Variants in ZNF585B observed in about 807,000 individuals in gnomAD.
ZNF585B encodes the protein zinc finger protein 585B.
In ZNF585B, 7 loss-of-function variants were observed where a neutral mutation model predicts 14.0. The observed-to-expected ratio is 0.50, with a 90% confidence interval of 0.28 to 0.94. The LOEUF (loss-of-function observed/expected upper bound fraction) is 0.94. Among genes scored for constraint, ZNF585B ranks in the 40% least tolerant of loss-of-function variants. The pLI, the probability that ZNF585B is intolerant of heterozygous loss-of-function variation, is 0.09. For missense variants in ZNF585B, 750 were observed against 924.4 expected, an observed-to-expected ratio of 0.81 and a Z score of 2.45; for synonymous variants, 290 against 317.3, an observed-to-expected ratio of 0.91 and a Z score of 0.91.
Position 37,185,626 on chromosome 19 carries a change from G to A in ZNF585B, c.1911C>T (p.Ala637=), listed in dbSNP as rs8111369. 569,828 of 1,613,242 alleles carry A rather than the reference G, an allele frequency of 0.35. 103,350 individuals are homozygous for A. The highest frequency in any genetic ancestry group is 0.37 in the Non-Finnish European group (437,420 of 1,179,820). Reference sequence around the variant, plus strand: ...TGCCACTAAAGGCTTTCCCACACTCGGCACACACATAGGGTTTCTCTCCTG... The same window carrying A: ...TGCCACTAAAGGCTTTCCCACACTCAGCACACACATAGGGTTTCTCTCCTG... ...VHTGEKPYVC[A]ECGKAFSGRS... The change falls in exon 5 of 5, where the codon GCC becomes GCT. Residue 637 remains alanine, a synonymous_variant. Coordinates refer to ENST00000532828, the MANE Select transcript of ZNF585B (RefSeq NM_152279.4).
chr19:37,186,315 T>C lies in ZNF585B; in HGVS notation c.1222A>G (p.Lys408Glu). The change falls in exon 5 of 5, where the codon AAA becomes GAA. Residue 408 changes from lysine (K) to glutamate (E), a missense_variant. Physicochemically the swap from Lys to Glu is moderately conservative, Grantham distance 56. Around this residue, in one of 2 missense-constraint regions of ZNF585B, gnomAD observed 517 missense variants for 570.3 expected, o/e 0.91. Transcript: ENST00000532828. ...CCACATTTCATGCATATATACGATT[T>C]TTCTCCTGTATGAATTCTCTGATGC... is the stretch of plus-strand genomic sequence containing the variant. The part of the protein sequence containing the change: ...TVHQRIHTGE[K>E]SYICMKCGLA... The C allele has an allele frequency of 6.2e-7, 1 of 1,614,086 alleles. No individual in the cohort carries two copies. The highest frequency in any genetic ancestry group is 1.1e-5 in the South Asian group (1 of 91,084).
intron 2 of ZNF585B, among the ~76,000 whole-genome samples, chr19:37,200,162 G>T (rs1449389210): frequency 1.3e-5 from 2 of 151,924 alleles, no homozygotes; most frequent in Non-Finnish European, 2.9e-5. Flanking sequence ...GTAAATTTTT[G>T]AAAAATAAAT....
chr19:37,190,913 T>G (rs1378331651), intron 2 of ZNF585B, among the ~76,000 whole-genome samples: 1 of 152,154 alleles, frequency 6.6e-6, no homozygotes, highest in Non-Finnish European at 1.5e-5. Context: ...TAATAGCTTA[T>G]TACGAAAAAT....
intron 4 of ZNF585B, among the ~76,000 whole-genome samples, chr19:37,187,886 G>A (rs181139243): frequency 9.9e-5 from 15 of 152,182 alleles, no homozygotes; most frequent in African/African-American, 3.6e-4. Flanking sequence ...TAACACCATG[G>A]ATAGACATGG....
chr19:37,184,468 GAAAGAA>G lies in ZNF585B; in HGVS notation c.*753_*758del, dbSNP rs1972304689. 8.9e-6 allele frequency: 1 copy of G among 112,824 alleles called. No homozygotes were observed. The highest frequency in any genetic ancestry group is 3.6e-5 in the African/African-American group (1 of 27,578). The allele number at this position is 112,824 out of a possible 1,614,324, so 7.0% of individuals were successfully genotyped here. ...GGAAAGAAAGAAAGAAAGAAAGAAA[GAAAGAA>G]AGAAAGAAAGAAAGAAAGAAAGAAA... On this transcript the variant is annotated 3_prime_UTR_variant, in exon 5 of 5. Transcript: ENST00000532828.
At chr19:37,203,368 T>C (rs12977133) in intron 2 of ZNF585B, among the ~76,000 whole-genome samples, 1 of 150,404 alleles carries the variant, frequency 6.6e-6, no homozygotes, top group Non-Finnish European at 1.5e-5. Context: ...TAATTCCAGC[T>C]AGGAGGGAGG....
At chr19:37,202,981 T>C (rs1299425458) in intron 2 of ZNF585B, among the ~76,000 whole-genome samples, 1 of 152,194 alleles carries the variant, frequency 6.6e-6, no homozygotes, top group African/African-American at 2.4e-5. Flanking sequence ...CTCGTGATTG[T>C]TTGAATCTTA....
chr19:37,190,328 C>T (rs1435902948), intron 2 of ZNF585B, 178 bp from the exon 3 acceptor site: 1 of 748,708 alleles, frequency 1.3e-6, no homozygotes, highest in Non-Finnish European at 2.0e-6. Flanking sequence ...TTACTGCAAC[C>T]TCCACCTCCC....
At position 37,186,950 on chromosome 19, in the gene ZNF585B, A is replaced by G; in HGVS notation, c.587T>C (p.Phe196Ser). ...ATGCCTGAAAAGAGACGATACTTGA[A>G]AAAAGGATTTTCCACATTCATTGCA... ...YKCNECGKSF[F>S]QVSSLFRHHR... Residue 196 changes from phenylalanine (F) to serine (S), a missense_variant, in exon 5 of 5, where the codon TTT (phenylalanine) becomes TCT (serine). Coordinates refer to ENST00000532828, the MANE Select transcript of ZNF585B (RefSeq NM_152279.4). 2 of 1,614,154 alleles carry G rather than the reference A, an allele frequency of 1.2e-6. No homozygotes were observed. Among genetic ancestry groups the G allele is most frequent in the Non-Finnish European group, 1.7e-6 (2 of 1,180,020 alleles).
chr19:37,209,757 C>T (rs1259063568), intron 1 of ZNF585B, among the ~76,000 whole-genome samples: 5 of 146,154 alleles, frequency 3.4e-5, no homozygotes, highest in African/African-American at 1.3e-4. Flanking sequence ...GCTCTGTGGC[C>T]CAGGCTGGAG....
At chr19:37,198,991 G>C (rs1242018920) in intron 2 of ZNF585B, 4 of 1,529,944 alleles carry the variant, frequency 2.6e-6, no homozygotes, top group Non-Finnish European at 2.6e-6. Context: ...TGTCTCTTGT[G>C]ATGCATATTG....
At position 37,186,224 on chromosome 19, in the gene ZNF585B, T is replaced by A. The variant is rs1365246758; in HGVS notation, c.1313A>T (p.Tyr438Phe). ...HQIIHTGEKP[Y>F]KCGHCGKLFT... ...CAATTTCCCACAGTGACCACATTTATAAGGTTTCTCTCCAGTATGAATTAT... is the reference window on the plus strand; with the variant it reads ...CAATTTCCCACAGTGACCACATTTAAAAGGTTTCTCTCCAGTATGAATTAT... Residue 438 changes from tyrosine to phenylalanine, a missense_variant, in exon 5 of 5, where the codon TAT (tyrosine) becomes TTT (phenylalanine). Tyr to Phe is a conservative substitution (Grantham distance 22, BLOSUM62 3). Transcript: ENST00000532828. The A allele has an allele frequency of 6.2e-7, 1 of 1,614,082 alleles. No individual in the cohort carries two copies. Among genetic ancestry groups the A allele is most frequent in the Non-Finnish European group, 8.5e-7 (1 of 1,180,032 alleles).
intron 2 of ZNF585B, among the ~76,000 whole-genome samples, chr19:37,193,486 A>G (rs1323560510): frequency 6.6e-5 from 10 of 151,388 alleles, no homozygotes; most frequent in Admixed American, 5.3e-4. Context: ...AAAAAAAAAA[A>G]AGAGAACTAA....
intron 2 of ZNF585B, chr19:37,199,612 T>G: frequency 3.4e-6 from 1 of 294,730 alleles, no homozygotes; most frequent in Admixed American, 4.3e-5. Context: ...AAAGATACTA[T>G]GAGCAAAAAG....
At position 37,185,191 on chromosome 19, in the gene ZNF585B, C is replaced by A; in HGVS notation, c.*36G>T. ...ATGCGTGCAACAGTGTACAATCAGA[C>A]CCAACCCTCAGGGGGGTTTTCTCAC... On this transcript the variant is annotated 3_prime_UTR_variant, in exon 5 of 5. Coordinates refer to ENST00000532828, the MANE Select transcript of ZNF585B (RefSeq NM_152279.4). 1.9e-6 allele frequency: 3 copies of A among 1,570,868 alleles called. No individual in the cohort carries two copies. The highest frequency in any genetic ancestry group is 2.2e-5 in the East Asian group (1 of 44,678).
At chr19:37,202,216 T>A (rs1157568878) in intron 2 of ZNF585B, among the ~76,000 whole-genome samples, 2 of 152,194 alleles carry the variant, frequency 1.3e-5, no homozygotes, top group Admixed American at 1.3e-4. Context: ...TTAGCCAGGC[T>A]GGTCTCAAAC....
At chr19:37,196,545 T>C (rs936593503) in intron 2 of ZNF585B, among the ~76,000 whole-genome samples, 5 of 152,062 alleles carry the variant, frequency 3.3e-5, no homozygotes, top group African/African-American at 1.2e-4. Context: ...TCAGTAAAAT[T>C]ACACCGAGTG....
In ZNF585B at chr19:37,184,416, G is replaced by GAAAGAAAGAGAGAGAGAGAA. The variant is rs60442183; in HGVS notation, c.*810_*811insTTCTCTCTCTCTCTTTCTTT. Reference sequence around the variant, plus strand: ...AGAAAGAAAGAAAGAAAGAAAGAAAGAGAAAGAAAGAAAAAGAAAGAAAGA... The same window carrying GAAAGAAAGAGAGAGAGAGAA: ...AGAAAGAAAGAAAGAAAGAAAGAAAGAAAGAAAGAGAGAGAGAGAAAGAAAGAAAGAAAAAGAAAGAAAGA... On this transcript the variant is annotated 3_prime_UTR_variant, in exon 5 of 5. Coordinates refer to ENST00000532828, the MANE Select transcript of ZNF585B (RefSeq NM_152279.4). 1 of 67,988 alleles carries GAAAGAAAGAGAGAGAGAGAA rather than the reference G, an allele frequency of 1.5e-5. No homozygotes were observed. The highest frequency in any genetic ancestry group is 4.9e-4 in the East Asian group (1 of 2,032). 4.2% of individuals were successfully genotyped at this position (67,988 alleles called of 1,614,324 possible).
chr19:37,190,872 T>G (rs754532388), intron 2 of ZNF585B, among the ~76,000 whole-genome samples: 4 of 152,058 alleles, frequency 2.6e-5, no homozygotes, highest in Non-Finnish European at 5.9e-5. Context: ...CCAATTTACT[T>G]CCTTTTTAAA....
Sources: allele counts gnomAD v4.1 joint callset (sites outside exome capture counted in the v4.1 genomes callset), GRCh38; gene constraint gnomAD v4.1.1; regional missense constraint gnomAD v4.1.1; transcripts MANE v1.5; gene names NCBI Gene and HGNC (gene_info 2026-07-23, HGNC 2026-07-21).